The following DMGDH variants were observed in gnomAD, a reference collection of about 807,000 sequenced individuals.
The protein encoded by DMGDH is dimethylglycine dehydrogenase, mitochondrial.
DMGDH carries 76 observed loss-of-function variants against 95.2 expected under a neutral mutation model. That is an observed-to-expected ratio of 0.80 (90% CI 0.66 to 0.97). The LOEUF (loss-of-function observed/expected upper bound fraction) is 0.97. DMGDH is among the 50% of genes least tolerant of loss of function. DMGDH has a pLI of 0.00. For synonymous variants in DMGDH, 345 were observed against 377.6 expected (o/e 0.91, Z 1.00); for missense variants, 987 against 1,055.0 (o/e 0.94, Z 0.89).
intron 5 of DMGDH, among the ~76,000 whole-genome samples, chr5:79,049,170 A>G (rs1294317892): frequency 6.6e-6 from 1 of 152,194 alleles, no homozygotes; most frequent in Non-Finnish European, 1.5e-5. Flanking sequence ...AGCTGCAGAG[A>G]AAGCTTCATC....
intron 15 of DMGDH, among the ~76,000 whole-genome samples, chr5:79,002,182 T>C (rs1488920425): frequency 6.6e-6 from 1 of 152,236 alleles, no homozygotes; most frequent in African/African-American, 2.4e-5. Flanking sequence ...AATTTAAGTT[T>C]GATGTTCTAT....
intron 2 of DMGDH, among the ~76,000 whole-genome samples, chr5:79,062,411 A>G (rs1373777152): frequency 6.7e-6 from 1 of 148,960 alleles, no homozygotes; most frequent in African/African-American, 2.5e-5. Context: ...TACTTTGAGC[A>G]CATACTAGAT....
chr5:79,067,408 G>A (rs1477864801), intron 1 of DMGDH, among the ~76,000 whole-genome samples: 1 of 152,038 alleles, frequency 6.6e-6, no homozygotes, highest in African/African-American at 2.4e-5. Flanking sequence ...GTTCTTTTTT[G>A]TGTGTTCAAA....
Position 79,044,427 on chromosome 5 carries a change from G to T in DMGDH, c.871C>A (p.Leu291Ile). The T allele has an allele frequency of 6.2e-7, 1 of 1,614,122 alleles. No individual in the cohort carries two copies. The highest frequency in any genetic ancestry group is 2.2e-5 in the East Asian group (1 of 44,874). ...VKALKRELPVLRDLEGSYYLR... is the reference protein window; with the variant it reads ...VKALKRELPVIRDLEGSYYLR... The stretch of plus-strand genomic sequence containing the variant: ...TAATATGATCCTTCCAGGTCACGGA[G>T]CACAGGCAGTTCTCGTTTCAAAGCT... The change falls in exon 6 of 16, where the codon CTC becomes ATC. Residue 291 changes from leucine (L) to isoleucine (I), a missense_variant. Transcript: ENST00000255189.
chr5:79,043,917 T>C (rs1315150291), intron 6 of DMGDH, among the ~76,000 whole-genome samples: 1 of 152,210 alleles, frequency 6.6e-6, no homozygotes, highest in East Asian at 1.9e-4. Context: ...TGGCCTCTGA[T>C]ATCAGTTGTG....
At chr5:79,030,687 A>C in intron 10 of DMGDH, 146 bp downstream of exon 10, 1 of 810,522 alleles carries the variant, frequency 1.2e-6, no homozygotes, top group Non-Finnish European at 1.9e-6. Context: ...AAAGAAAGTA[A>C]ATAAGCTTGT....
chr5:79,065,508 G>A (rs970732004), intron 1 of DMGDH, among the ~76,000 whole-genome samples: 5 of 152,098 alleles, frequency 3.3e-5, no homozygotes, highest in African/African-American at 1.2e-4. Context: ...CACCATGCCC[G>A]GCCAGAGCTG....
At chr5:79,021,792 C>A in intron 14 of DMGDH, 1 of 1,153,344 alleles carries the variant, frequency 8.7e-7, no homozygotes, top group South Asian at 1.3e-5. Context: ...AATTCTTGGG[C>A]AGTCTTTCAA....
chr5:79,031,045 C>A (rs764586775), intron 9 of DMGDH, 47 bp from the exon 10 acceptor site: 15 of 1,604,424 alleles, frequency 9.3e-6, no homozygotes, highest in Non-Finnish European at 1.2e-5. Context: ...GTTCATTTTT[C>A]AAAAATTACA....
At position 79,032,998 on chromosome 5, in the gene DMGDH, A is replaced by G. The variant is rs554938528; in HGVS notation, c.1364-158T>C. ...GATTCATGTAGAAAACAGAGCTGTC[A>G]TTTATATGACTCATCAAAGAGTAAA... On this transcript the variant is annotated intron_variant, in intron 8 of 15. Coordinates refer to ENST00000255189, the MANE Select transcript of DMGDH (RefSeq NM_013391.3). Among the ~76,000 whole-genome samples, 17 of 152,362 alleles carry G rather than the reference A, an allele frequency of 1.1e-4. No homozygotes were observed. The South Asian group carries it at 2.1e-3, about 19-fold the overall frequency.
At chr5:79,032,540 T>A in intron 9 of DMGDH, 147 bp downstream of exon 9, 1 of 1,154,622 alleles carries the variant, frequency 8.7e-7, no homozygotes, top group Non-Finnish European at 1.3e-6. Flanking sequence ...ATGCCACCAC[T>A]GCCAGAGAGT....
intron 14 of DMGDH, among the ~76,000 whole-genome samples, chr5:79,017,501 C>T (rs2112608315): frequency 1.3e-5 from 2 of 152,224 alleles, no homozygotes; most frequent in South Asian, 4.2e-4. Flanking sequence ...AAAAGACTGA[C>T]CATGAAAAGT....
chr5:79,015,350 G>C (rs1036157738), intron 14 of DMGDH, among the ~76,000 whole-genome samples: 8 of 152,108 alleles, frequency 5.3e-5, no homozygotes, highest in Admixed American at 3.3e-4. Flanking sequence ...TGATAATTAG[G>C]AGAATGATCT....
intron 7 of DMGDH, among the ~76,000 whole-genome samples, chr5:79,041,635 C>T (rs1468483751): frequency 2.0e-5 from 3 of 152,220 alleles, no homozygotes; most frequent in Non-Finnish European, 4.4e-5. Flanking sequence ...GGCAAATTGA[C>T]TATCTGAAGA....
intron 4 of DMGDH, among the ~76,000 whole-genome samples, chr5:79,052,153 A>G (rs1407429684): frequency 6.6e-6 from 1 of 152,216 alleles, no homozygotes; most frequent in Non-Finnish European, 1.5e-5. Context: ...CATTCCTGGA[A>G]TACATTCTAT....
At position 79,032,688 on chromosome 5, in the gene DMGDH, T is replaced by C. The variant is rs1410314801; in HGVS notation, c.1516A>G (p.Arg506Gly). ...AGGCAGGTAAAGTCCTTCTCCCACC[T>C]GTACTGAGTGTCCTGGCCTGGTTTG... ...FYKPGQDTQYRPSFRRTNWFE... is the reference protein window; with the variant it reads ...FYKPGQDTQYGPSFRRTNWFE... The change falls in exon 9 of 16, where the codon AGG becomes GGG. Residue 506 changes from arginine to glycine, a missense_variant and splice_region_variant. By Grantham distance (125) the Arg-to-Gly change is moderately radical. Transcript: ENST00000255189. 2 of 1,614,144 alleles carry C rather than the reference T, an allele frequency of 1.2e-6. No individual in the cohort carries two copies. The highest frequency in any genetic ancestry group is 8.5e-7 in the Non-Finnish European group (1 of 1,180,010).
At chr5:79,025,525 C>T (rs1455440111) in intron 13 of DMGDH, among the ~76,000 whole-genome samples, 1 of 152,180 alleles carries the variant, frequency 6.6e-6, no homozygotes, top group Non-Finnish European at 1.5e-5. Context: ...ATGTGCTTGG[C>T]ACTTCCTAGA....
At chr5:79,063,925 T>G (rs1313343796) in intron 1 of DMGDH, 138 bp from the exon 2 acceptor site, 1 of 978,054 alleles carries the variant, frequency 1.0e-6, no homozygotes, top group African/African-American at 1.6e-5. Flanking sequence ...ATTTAATAAT[T>G]TGGAGCATCT....
intron 5 of DMGDH, among the ~76,000 whole-genome samples, chr5:79,047,013 C>G (rs1196134939): frequency 6.6e-6 from 1 of 152,066 alleles, no homozygotes; most frequent in Non-Finnish European, 1.5e-5. Context: ...TACTTCAAAT[C>G]CCATAGCAAG....
Sources: gnomAD v4.1 joint callset for allele counts (sites outside exome capture counted in the v4.1 genomes callset) on GRCh38, gnomAD v4.1.1 for gene constraint, MANE v1.5 for transcripts, NCBI Gene and HGNC (gene_info 2026-07-23, HGNC 2026-07-21) for gene names.